Variants in FSTL4 observed in about 807,000 individuals in gnomAD.
The protein encoded by FSTL4 is follistatin-related protein 4.
A neutral mutation model predicts 78.2 loss-of-function variants in FSTL4; 28 were observed. That is an observed-to-expected ratio of 0.36 (90% CI 0.27 to 0.49). FSTL4 has a LOEUF of 0.49. FSTL4 is among the 20% of genes least tolerant of loss of function. The pLI is 0.98. For missense variants in FSTL4, 922 were observed against 1,084.9 expected, an observed-to-expected ratio of 0.85 and a Z score of 2.11; for synonymous variants, 422 against 440.5, an observed-to-expected ratio of 0.96 and a Z score of 0.53.
At position 133,397,469 on chromosome 5, in the gene FSTL4, A is replaced by G. The variant is rs1156818036; in HGVS notation, c.409+3269T>C. ...GTCTGGTTGATTTCCCGTACATGCT[A>G]ATGATCCCTAAATGATATATTTCAT... On this transcript the variant is annotated intron_variant, in intron 4 of 15. Transcript: ENST00000265342. Among the ~76,000 whole-genome samples, 8 of 152,200 alleles carry G rather than the reference A, an allele frequency of 5.3e-5. No homozygotes were observed. In the East Asian group the frequency reaches 1.5e-3, roughly 29 times the overall value.
chr5:133,693,424 C>G, the FSTL4 span, among the ~76,000 whole-genome samples: 1 of 152,152 alleles, frequency 6.6e-6, no homozygotes, highest in African/African-American at 2.4e-5. Flanking sequence ...TTACAATACC[C>G]TATGCATCTC....
the FSTL4 span, among the ~76,000 whole-genome samples, chr5:133,668,379 T>C: frequency 7.2e-5 from 11 of 152,202 alleles, no homozygotes; most frequent in Non-Finnish European, 1.5e-4. Context: ...GGGAGGGATG[T>C]AAGTAAAAAT....
chr5:133,213,651 G>T (rs114130198), intron 13 of FSTL4, among the ~76,000 whole-genome samples: 1,590 of 152,148 alleles, frequency 0.01, 28 homozygotes, highest in African/African-American at 0.037. Flanking sequence ...GTCAACAACA[G>T]AATAATTAAA....
the FSTL4 span, among the ~76,000 whole-genome samples, chr5:133,785,767 C>T: frequency 6.6e-6 from 1 of 152,140 alleles, no homozygotes; most frequent in African/African-American, 2.4e-5. Context: ...GAAGTCATGG[C>T]TATGTCTGGG....
rs116429746 is a variant in FSTL4, at chr5:133,479,300, G to A, written c.161-78314C>T. Among the ~76,000 whole-genome samples the A allele has an allele frequency of 4.9e-3, 747 of 152,270 alleles. 2 individuals carry two copies. The highest frequency in any genetic ancestry group is 0.017 in the African/African-American group (686 of 41,560). On this transcript the variant is annotated intron_variant, in intron 3 of 15. Transcript: ENST00000265342. The stretch of plus-strand genomic sequence containing the variant: ...AAAGGAGTAAATAGGTGTCAGTTTC[G>A]ACACCTATTTTGAGTGAATCAACCA...
At chr5:133,716,058 G>T in the FSTL4 span, among the ~76,000 whole-genome samples, 1 of 152,174 alleles carries the variant, frequency 6.6e-6, no homozygotes, top group Non-Finnish European at 1.5e-5. Context: ...TGTGGTCATC[G>T]ATAAGCAAGT....
chr5:133,206,306 T>TTCAC (rs1302251283), intron 14 of FSTL4, among the ~76,000 whole-genome samples: 1 of 152,214 alleles, frequency 6.6e-6, no homozygotes, highest in African/African-American at 2.4e-5. Flanking sequence ...TTTGCAAGCA[T>TTCAC]TCACTCATTT....
In FSTL4 at chr5:133,537,488, G is replaced by A. The variant is rs552117239; in HGVS notation, c.160+29698C>T. 1.2e-4 allele frequency among the ~76,000 whole-genome samples: 19 copies of A among 152,212 alleles called. No homozygotes were observed. The East Asian group carries it at 3.5e-3, about 28-fold the overall frequency. ...AAAAGATATTAGTTATCCTAGTAAT[G>A]TATTCACAGAGCATTTGGCTTTTCT... is the stretch of plus-strand genomic sequence containing the variant. On this transcript the variant is annotated intron_variant, in intron 3 of 15. Transcript: ENST00000265342.
At chr5:133,354,304 G>A (rs935693442) in intron 4 of FSTL4, among the ~76,000 whole-genome samples, 5 of 152,196 alleles carry the variant, frequency 3.3e-5, no homozygotes, top group Admixed American at 1.3e-4. Flanking sequence ...TTGGCCCTGC[G>A]ACAGAGGAGC....
At chr5:133,327,620 C>T (rs73788055) in intron 4 of FSTL4, among the ~76,000 whole-genome samples, 13,197 of 152,184 alleles carry the variant, frequency 0.087, 866 homozygotes, top group African/African-American at 0.18. Flanking sequence ...TCTTGCTTCC[C>T]GGTAAGGCAT....
At chr5:133,831,852 C>T in the FSTL4 span, among the ~76,000 whole-genome samples, 1 of 152,130 alleles carries the variant, frequency 6.6e-6, no homozygotes, top group East Asian at 1.9e-4. Context: ...TCTCTGGCAC[C>T]GCTGGATGGG....
At chr5:133,655,802 C>T in the FSTL4 span, among the ~76,000 whole-genome samples, 1 of 152,156 alleles carries the variant, frequency 6.6e-6, no homozygotes, top group Non-Finnish European at 1.5e-5. Flanking sequence ...TTATGGAGTG[C>T]TTACCTCATG....
At chr5:133,669,728 T>A in the FSTL4 span, among the ~76,000 whole-genome samples, 1 of 152,176 alleles carries the variant, frequency 6.6e-6, no homozygotes, top group Non-Finnish European at 1.5e-5. Flanking sequence ...GTGGAGTCAA[T>A]AATTCTGAGG....
At chr5:133,609,036 G>T (rs559378317) in intron 1 of FSTL4, among the ~76,000 whole-genome samples, 2 of 152,096 alleles carry the variant, frequency 1.3e-5, no homozygotes, top group Admixed American at 6.5e-5. Context: ...TCAGAGTTTC[G>T]GTGGCATTGT....
chr5:133,290,925 T>C (rs987126034), intron 6 of FSTL4, among the ~76,000 whole-genome samples: 14 of 152,156 alleles, frequency 9.2e-5, no homozygotes, highest in Non-Finnish European at 2.1e-4. Context: ...AGGGAGGAGA[T>C]CGAGCCCAGT....
At chr5:133,700,179 C>G in the FSTL4 span, among the ~76,000 whole-genome samples, 1 of 151,632 alleles carries the variant, frequency 6.6e-6, no homozygotes, top group Non-Finnish European at 1.5e-5. Context: ...CCACACCAAA[C>G]CATCACACCA....
chr5:133,685,661 C>T, the FSTL4 span, among the ~76,000 whole-genome samples: 1 of 152,210 alleles, frequency 6.6e-6, no homozygotes, highest in Non-Finnish European at 1.5e-5. Context: ...GATTCTTGAG[C>T]CCTCTTGGGC....
chr5:133,718,185 C>T, the FSTL4 span, among the ~76,000 whole-genome samples: 1 of 152,142 alleles, frequency 6.6e-6, no homozygotes, highest in Non-Finnish European at 1.5e-5. Flanking sequence ...CTCCGCCTCC[C>T]GGGTTCAAGC....
intron 4 of FSTL4, among the ~76,000 whole-genome samples, chr5:133,325,261 T>C (rs1318660895): frequency 6.6e-6 from 1 of 152,158 alleles, no homozygotes; most frequent in Admixed American, 6.5e-5. Flanking sequence ...GCCCCGGCTC[T>C]GATCAGTAAA....
Sources: allele counts gnomAD v4.1 joint callset (sites outside exome capture counted in the v4.1 genomes callset), GRCh38; gene constraint gnomAD v4.1.1; transcripts MANE v1.5; gene names NCBI Gene and HGNC (gene_info 2026-07-23, HGNC 2026-07-21).